FBXW8: variants seen among roughly 807,000 people sequenced by gnomAD.
FBXW8 encodes the protein F-box and WD repeat domain containing 8, also known as F-box/WD repeat-containing protein 8.
Under a neutral mutation model 65.3 loss-of-function variants are expected in FBXW8, and 57 were observed. The observed-to-expected ratio is 0.87, with a 90% CI of 0.71 to 1.09. The LOEUF is 1.09. Ranked by LOEUF, FBXW8 falls within the 50% of genes least tolerant of loss-of-function variation. The pLI is 0.00. For synonymous variants in FBXW8, 308 were observed against 330.2 expected (o/e 0.93, Z 0.73); for missense variants, 777 against 814.8 (o/e 0.95, Z 0.57).
chr12:116,917,424 TG>T (rs1880514964), intron 1 of FBXW8, among the ~76,000 whole-genome samples: 1 of 152,128 alleles, frequency 6.6e-6, no homozygotes, highest in Non-Finnish European at 1.5e-5. Context: ...TTGACATGAA[TG>T]GGAAATAAAA....
chr12:116,990,301 A>G (rs979168321), intron 7 of FBXW8, among the ~76,000 whole-genome samples: 1 of 152,156 alleles, frequency 6.6e-6, no homozygotes, highest in Non-Finnish European at 1.5e-5. Context: ...TTTGGTGTGC[A>G]GTTTGGTTGG....
At chr12:116,914,374 G>A (rs1880230913) in intron 1 of FBXW8, among the ~76,000 whole-genome samples, 1 of 148,996 alleles carries the variant, frequency 6.7e-6, no homozygotes, top group African/African-American at 2.5e-5. Context: ...CTTGAGCTCA[G>A]GAGCTCAAAA....
Position 117,006,571 on chromosome 12 carries a change from ACT to A in FBXW8, c.1240-3749_1240-3748del, listed in dbSNP as rs1953678800. ...GCCTGTAGCTGGTGTCTCCTTCCTGACTCTGGACCACCGCCCCTGCTGCTTAG... is the reference window on the plus strand; with the variant it reads ...GCCTGTAGCTGGTGTCTCCTTCCTGACTGGACCACCGCCCCTGCTGCTTAG... On this transcript the variant is annotated intron_variant, in intron 7 of 10. Transcript: ENST00000652555. 2.6e-5 allele frequency among the ~76,000 whole-genome samples: 4 copies of A among 151,954 alleles called. No individual in the cohort carries two copies. In the South Asian group the frequency reaches 8.3e-4, roughly 32 times the overall value.
intron 7 of FBXW8, among the ~76,000 whole-genome samples, chr12:116,996,931 C>T (rs954721078): frequency 2.6e-5 from 4 of 151,904 alleles, no homozygotes; most frequent in Non-Finnish European, 5.9e-5. Flanking sequence ...GTAAAGGAGG[C>T]GTGTTGAGAT....
chr12:116,994,052 G>C (rs1953315542), intron 7 of FBXW8, among the ~76,000 whole-genome samples: 1 of 152,156 alleles, frequency 6.6e-6, no homozygotes, highest in South Asian at 2.1e-4. Context: ...AGCCCAAATA[G>C]CCAAAGCAAC....
chr12:116,958,882 A>G (rs1409668902), intron 4 of FBXW8, among the ~76,000 whole-genome samples: 1 of 152,218 alleles, frequency 6.6e-6, no homozygotes, highest in African/African-American at 2.4e-5. Context: ...ACAGCTTCAG[A>G]ATCCTTCTCA....
intron 9 of FBXW8, among the ~76,000 whole-genome samples, chr12:117,025,094 T>C (rs1017386652): frequency 8.5e-5 from 13 of 152,126 alleles, no homozygotes; most frequent in Non-Finnish European, 4.4e-5. Flanking sequence ...CCACCACCTC[T>C]ACCTGGCCCT....
intron 8 of FBXW8, among the ~76,000 whole-genome samples, chr12:117,014,895 C>T (rs1380127464): frequency 2.0e-5 from 3 of 152,218 alleles, no homozygotes; most frequent in Non-Finnish European, 2.9e-5. Flanking sequence ...TCAATCCTTA[C>T]ACTTTCCAGC....
Position 116,911,147 on chromosome 12 carries a change from G to T in FBXW8, c.110G>T (p.Arg37Leu). 2 of 1,348,010 alleles carry T rather than the reference G, an allele frequency of 1.5e-6. No individual in the cohort carries two copies. Among genetic ancestry groups the T allele is most frequent in the African/African-American group, 3.1e-5 (2 of 64,564 alleles). The allele number at this position is 1,348,010 out of a possible 1,614,324, so 83.5% of individuals were successfully genotyped here. ...RRPEAAERRA[R>L]RPEVGSGRGE... ...CCCGAGGCTGCCGAGAGGCGGGCTC[G>T]GCGGCCGGAGGTGGGCTCCGGGCGC... The change falls in exon 1 of 11, where the codon CGG (arginine) becomes CTG (leucine). Residue 37 changes from arginine (R) to leucine (L), a missense_variant. By Grantham distance (102) the Arg-to-Leu change is moderately radical (BLOSUM62 -2). Coordinates refer to ENST00000652555, the MANE Select transcript of FBXW8 (RefSeq NM_153348.3).
intron 5 of FBXW8, among the ~76,000 whole-genome samples, chr12:116,973,772 A>G (rs948832374): frequency 3.3e-5 from 5 of 152,240 alleles, no homozygotes; most frequent in Non-Finnish European, 7.3e-5. Flanking sequence ...TTGTTTTTCT[A>G]CAAAGAACAT....
intron 8 of FBXW8, among the ~76,000 whole-genome samples, chr12:117,015,065 C>T (rs1953918919): frequency 6.6e-6 from 1 of 152,156 alleles, no homozygotes; most frequent in African/African-American, 2.4e-5. Context: ...TAACCCTCAC[C>T]CCTATTCTTT....
intron 7 of FBXW8, among the ~76,000 whole-genome samples, chr12:116,999,800 A>T (rs1953467648): frequency 6.6e-6 from 1 of 152,134 alleles, no homozygotes. Flanking sequence ...CGCCATCCTC[A>T]ATGTGCCACA....
intron 8 of FBXW8, 82 bp downstream of exon 8, chr12:117,010,532 C>G (rs553179747): frequency 6.3e-7 from 1 of 1,585,968 alleles, no homozygotes; most frequent in Non-Finnish European, 8.6e-7. Flanking sequence ...TCACACTGCC[C>G]GGTTCTCACT....
chr12:116,963,833 C>T (rs1434786636), intron 4 of FBXW8, among the ~76,000 whole-genome samples: 1 of 152,172 alleles, frequency 6.6e-6, no homozygotes, highest in Non-Finnish European at 1.5e-5. Context: ...TCATGAGGCC[C>T]TTAAAGGCAT....
Position 116,949,899 on chromosome 12 carries a change from G to A in FBXW8, c.677+193G>A, listed in dbSNP as rs1194452230. 3 of 606,222 alleles carry A rather than the reference G, an allele frequency of 4.9e-6. No homozygotes were observed. The Admixed American group carries it at 7.7e-5, about 16-fold the overall frequency. 37.6% of individuals were successfully genotyped at this position (606,222 alleles called of 1,614,324 possible). On this transcript the variant is annotated intron_variant, in intron 4 of 10. Transcript: ENST00000652555. ...TGAGAGCGCGCAGCAAGGGTGAGAAGCACATGGTGTAGAGCGGATCTGTGA... is the reference window on the plus strand; with the variant it reads ...TGAGAGCGCGCAGCAAGGGTGAGAAACACATGGTGTAGAGCGGATCTGTGA...
intron 8 of FBXW8, among the ~76,000 whole-genome samples, chr12:117,017,184 A>G (rs555770352): frequency 1.5e-3 from 225 of 152,368 alleles, no homozygotes; most frequent in Non-Finnish European, 2.1e-3. Flanking sequence ...AGTATTTCCA[A>G]CTTGGGACCA....
At chr12:116,968,696 G>A (rs1449217006) in intron 5 of FBXW8, among the ~76,000 whole-genome samples, 2 of 152,102 alleles carry the variant, frequency 1.3e-5, no homozygotes, top group Admixed American at 6.5e-5. Context: ...GAGTGTGCCC[G>A]CTTCCTCACA....
chr12:116,948,018 GGCA>G (rs1244069570), intron 3 of FBXW8, among the ~76,000 whole-genome samples: 1 of 152,160 alleles, frequency 6.6e-6, no homozygotes, highest in East Asian at 1.9e-4. Flanking sequence ...GGATGGGTTA[GGCA>G]GGCGATTTGG....
intron 9 of FBXW8, among the ~76,000 whole-genome samples, chr12:117,025,570 T>G (rs184792061): frequency 6.6e-6 from 1 of 152,310 alleles, no homozygotes; most frequent in East Asian, 1.9e-4. Context: ...AGAATGGGCT[T>G]CTTCCTTGGA....
Sources: gnomAD v4.1 joint callset for allele counts (sites outside exome capture counted in the v4.1 genomes callset) on GRCh38, gnomAD v4.1.1 for gene constraint, MANE v1.5 for transcripts, NCBI Gene and HGNC (gene_info 2026-07-23, HGNC 2026-07-21) for gene names.